Variants in PRKAG2 observed in about 807,000 individuals in gnomAD.
The protein encoded by PRKAG2 is 5'-AMP-activated protein kinase subunit gamma-2.
In PRKAG2, 26 loss-of-function variants were observed where a neutral mutation model predicts 69.6. The ratio of observed to expected loss-of-function variants is 0.37; its 90% CI spans 0.27 to 0.52. The LOEUF is 0.52. Among genes scored for constraint, PRKAG2 ranks in the 20% least tolerant of loss-of-function variants. PRKAG2 has a pLI of 0.90. For missense variants in PRKAG2, 557 were observed against 740.0 expected (o/e 0.75, Z 2.87); for synonymous variants, 293 against 285.0 (o/e 1.03, Z -0.28).
chr7:151,839,998 T>C (rs1189644132), intron 1 of PRKAG2, among the ~76,000 whole-genome samples: 1 of 152,120 alleles, frequency 6.6e-6, no homozygotes, highest in Admixed American at 6.6e-5. Flanking sequence ...GATATCCCCC[T>C]AACAAAGAGA....
intron 1 of PRKAG2, among the ~76,000 whole-genome samples, chr7:151,860,531 A>C (rs758651637): frequency 3.0e-4 from 46 of 152,162 alleles, no homozygotes; most frequent in Non-Finnish European, 6.3e-4. Flanking sequence ...GAATGAACCA[A>C]CCACAAGACA....
intron 3 of PRKAG2, among the ~76,000 whole-genome samples, chr7:151,690,288 T>A (rs942986534): frequency 5.9e-5 from 9 of 152,218 alleles, no homozygotes; most frequent in African/African-American, 2.2e-4. Context: ...GGACAGTACC[T>A]ACCCCTGGTA....
intron 4 of PRKAG2, among the ~76,000 whole-genome samples, chr7:151,669,092 A>G (rs569580135): frequency 6.6e-6 from 1 of 152,196 alleles, no homozygotes; most frequent in Admixed American, 6.5e-5. Flanking sequence ...TTTCCTTTGT[A>G]AGACGGGAAT....
chr7:151,635,901 T>C (rs908473690), intron 4 of PRKAG2, among the ~76,000 whole-genome samples: 1 of 151,290 alleles, frequency 6.6e-6, no homozygotes, highest in Non-Finnish European at 1.5e-5. Context: ...GGAGTCTCGC[T>C]TTGTCCCCCA....
intron 1 of PRKAG2, among the ~76,000 whole-genome samples, chr7:151,854,449 G>C (rs1035745403): frequency 6.6e-6 from 1 of 152,240 alleles, no homozygotes; most frequent in African/African-American, 2.4e-5. Context: ...CTGCCCCCAA[G>C]AGCCTCTGGC....
At chr7:151,560,663 G>T (rs779174285) in intron 14 of PRKAG2, 46 bp from the exon 15 acceptor site, 1 of 1,608,058 alleles carries the variant, frequency 6.2e-7, no homozygotes, top group Non-Finnish European at 8.5e-7. Context: ...ATTTAAAAAA[G>T]GTTTAAAATG....
At chr7:151,830,700 T>C (rs1159208390) in intron 1 of PRKAG2, among the ~76,000 whole-genome samples, 1 of 137,096 alleles carries the variant, frequency 7.3e-6, no homozygotes, top group East Asian at 2.4e-4. Flanking sequence ...TGAGGCCTCC[T>C]GCGGGATGGT....
chr7:151,780,836 G>GC lies in PRKAG2; in HGVS notation c.466+315dup, dbSNP rs1294116945. On this transcript the variant is annotated intron_variant, in intron 3 of 15. Transcript: ENST00000287878. This position sits in a 1 kb window ranked among gnomAD's most constrained non-coding sequence, Gnocchi z 4.2. ...CTGCAGTTTCCAGAGAAGGCTGGAG[G>GC]CAAGTGTGTCATCTGATTGTCCATA... Among the ~76,000 whole-genome samples the GC allele has an allele frequency of 2.0e-5, 3 of 152,200 alleles. No homozygotes were observed. Among genetic ancestry groups the GC allele is most frequent in the Admixed American group, 2.0e-4 (3 of 15,290 alleles).
intron 3 of PRKAG2, among the ~76,000 whole-genome samples, chr7:151,769,844 C>T (rs1263978999): frequency 1.3e-5 from 2 of 152,176 alleles, no homozygotes; most frequent in African/African-American, 4.8e-5. Flanking sequence ...ATAGAGTGGG[C>T]ACCTAACCTG....
At chr7:151,773,220 G>A (rs1490979433) in intron 3 of PRKAG2, among the ~76,000 whole-genome samples, 1 of 149,588 alleles carries the variant, frequency 6.7e-6, no homozygotes, top group Non-Finnish European at 1.5e-5. Context: ...GGAAAGAAAG[G>A]AAGGAAAGAA....
chr7:151,722,883 C>G (rs1331072052), intron 3 of PRKAG2, among the ~76,000 whole-genome samples: 1 of 152,142 alleles, frequency 6.6e-6, no homozygotes, highest in African/African-American at 2.4e-5. Flanking sequence ...TTTTAATCCT[C>G]CAGCTGCTCC....
rs111783486 is a variant in PRKAG2 at position 151,809,338 on chromosome 7, C to T, written c.115-22797G>A. On this transcript the variant is annotated intron_variant, in intron 1 of 15. Coordinates refer to ENST00000287878, the MANE Select transcript of PRKAG2 (RefSeq NM_016203.4). ...GCAGCGGGGATCATCCAGAGACTCT[C>T]GCAGTCCACGGCAGGTGTCGGAGTG... The T allele has an allele frequency of 2.1e-3, 939 of 447,102 alleles. 5 individuals carry two copies. The highest frequency in any genetic ancestry group is 0.016 in the African/African-American group (816 of 49,920). The allele number at this position is 447,102 out of a possible 1,614,324, so 27.7% of individuals were successfully genotyped here. A position where few individuals can be genotyped will look rare whatever the true frequency, so the allele number is the denominator to read the frequency against.
chr7:151,696,122 T>G (rs1404240957), intron 3 of PRKAG2, among the ~76,000 whole-genome samples: 1 of 152,212 alleles, frequency 6.6e-6, no homozygotes, highest in Non-Finnish European at 1.5e-5. Flanking sequence ...CTGCCAGGGC[T>G]GCCAGGAGCT....
At chr7:151,601,926 C>T in intron 5 of PRKAG2, among the ~76,000 whole-genome samples, 1 of 152,224 alleles carries the variant, frequency 6.6e-6, no homozygotes, top group East Asian at 1.9e-4. Context: ...GAATGAATAG[C>T]AGCGGCTGTC....
chr7:151,637,709 T>G (rs1055839464), intron 4 of PRKAG2, among the ~76,000 whole-genome samples: 212 of 137,858 alleles, frequency 1.5e-3, no homozygotes, highest in African/African-American at 5.6e-3. Flanking sequence ...GTCATGAGGT[T>G]TTTTTTTTTT....
rs1350654843 is a variant in PRKAG2 at position 151,756,714 on chromosome 7, C to T, written c.466+24438G>A. 6.6e-6 allele frequency among the ~76,000 whole-genome samples: 1 copy of T among 152,186 alleles called. No homozygotes were observed. The highest frequency in any genetic ancestry group is 1.5e-5 in the Non-Finnish European group (1 of 68,032). ...GCGCCGCCCTCTTCCCTTCTCCCAC[C>T]TGGGGTGGGAAAGGATTTTCCTTAC... On this transcript the variant is annotated intron_variant, in intron 3 of 15. Transcript: ENST00000287878. The surrounding 1 kb of genome is among the most constrained non-coding windows in gnomAD (Gnocchi z 4.9).
intron 2 of PRKAG2, among the ~76,000 whole-genome samples, chr7:151,785,210 G>C (rs2076941054): frequency 6.6e-6 from 1 of 152,280 alleles, no homozygotes; most frequent in African/African-American, 2.4e-5. Flanking sequence ...CTGCCAGAGA[G>C]GAAGCTGGGG....
In PRKAG2 at chr7:151,606,744, C is replaced by T. The variant is rs537318186; in HGVS notation, c.755-11290G>A. Among the ~76,000 whole-genome samples the T allele has an allele frequency of 8.2e-4, 125 of 152,138 alleles. 1 individual carries two copies. Among genetic ancestry groups the T allele is most frequent in the East Asian group, 5.8e-3 (30 of 5,180 alleles). ...CTGAGGTAGAGGAACGGCTGGAACC[C>T]GGGAGGTGGAGGCTGCAGTGAGCCG... On this transcript the variant is annotated intron_variant, in intron 5 of 15. Coordinates refer to ENST00000287878, the MANE Select transcript of PRKAG2 (RefSeq NM_016203.4).
intron 1 of PRKAG2, among the ~76,000 whole-genome samples, chr7:151,801,487 C>T (rs569303841): frequency 2.0e-4 from 30 of 152,294 alleles, no homozygotes; most frequent in Admixed American, 8.5e-4. Flanking sequence ...GCTGCAGGCA[C>T]CAGGCAGCCT....
Sources: allele counts gnomAD v4.1 joint callset (sites outside exome capture counted in the v4.1 genomes callset), GRCh38; gene constraint gnomAD v4.1.1; non-coding constraint Gnocchi (gnomAD v3.1); transcripts MANE v1.5; gene names NCBI Gene and HGNC (gene_info 2026-07-23, HGNC 2026-07-21).